The following ACACA variants were observed in gnomAD, a reference collection of about 807,000 sequenced individuals.
ACACA encodes acetyl-CoA carboxylase 1.
A neutral mutation model predicts 296.1 loss-of-function variants in ACACA; 103 were observed. The ratio of observed to expected loss-of-function variants is 0.35; its 90% CI spans 0.30 to 0.41. The LOEUF (loss-of-function observed/expected upper bound fraction) is 0.41, where lower values mean the gene tolerates loss of function less well. ACACA is among the 10% of genes least tolerant of loss of function. The pLI is 1.00. For synonymous variants in ACACA, 953 were observed against 1,038.6 expected, an observed-to-expected ratio of 0.92 and a Z score of 1.58; for missense variants, 1,554 against 2,989.7, an observed-to-expected ratio of 0.52 and a Z score of 11.20.
chr17:37,151,170 A>C (rs2076023756), intron 44 of ACACA, 131 bp downstream of exon 44: 2 of 1,055,632 alleles, frequency 1.9e-6, no homozygotes, highest in East Asian at 5.1e-5. Context: ...ATGTGTGATT[A>C]AAATATAATT....
At chr17:37,147,800 T>A (rs2075876225) in intron 45 of ACACA, among the ~76,000 whole-genome samples, 1 of 152,178 alleles carries the variant, frequency 6.6e-6, no homozygotes, top group Admixed American at 6.5e-5. Context: ...GTAACTAAGC[T>A]TTTGTTTTAA....
chr17:37,393,536 A>C, intron 1 of ACACA, among the ~76,000 whole-genome samples: 1 of 151,694 alleles, frequency 6.6e-6, no homozygotes, highest in East Asian at 1.9e-4. Flanking sequence ...GCGCTCATCA[A>C]CTCTTCTACA....
At chr17:37,368,204 G>A (rs527515315) in intron 1 of ACACA, among the ~76,000 whole-genome samples, 9 of 152,344 alleles carry the variant, frequency 5.9e-5, no homozygotes, top group African/African-American at 1.2e-4. Context: ...CCCGAGGGGC[G>A]GAGGTTGCAG....
chr17:37,236,985 T>C (rs2080142398), intron 24 of ACACA, among the ~76,000 whole-genome samples: 1 of 152,230 alleles, frequency 6.6e-6, no homozygotes, highest in African/African-American at 2.4e-5. Context: ...CTAGTATCTT[T>C]GAAGACCCCT....
intron 11 of ACACA, among the ~76,000 whole-genome samples, chr17:37,260,288 A>ATTT: frequency 4.2e-5 from 1 of 24,044 alleles, no homozygotes; most frequent in Non-Finnish European, 6.9e-5. Flanking sequence ...ATATATATAT[A>ATTT]TATATATATT....
chr17:37,161,864 T>G lies in ACACA; in HGVS notation c.5266A>C (p.Asn1756His). Residue 1756 changes from asparagine to histidine, a missense_variant, in exon 42 of 56, where the codon AAC becomes CAC. Asn to His is a moderately conservative substitution (Grantham distance 68, BLOSUM62 1). This residue lies in a region of ACACA where 553 missense variants were observed against 1,043.6 expected (regional missense o/e 0.53). Transcript: ENST00000616317. ...EGIPRIYVSA[N>H]SGARIGLAEE... Reference sequence around the variant, plus strand: ...GCCAGTCCGATTCTTGCTCCACTGTTGGCTGATACATAGATGCGTGGAATA... The same window carrying G: ...GCCAGTCCGATTCTTGCTCCACTGTGGGCTGATACATAGATGCGTGGAATA... 1 of 1,614,198 alleles carries G rather than the reference T, an allele frequency of 6.2e-7. No individual in the cohort carries two copies. Among genetic ancestry groups the G allele is most frequent in the Non-Finnish European group, 8.5e-7 (1 of 1,180,032 alleles).
intron 3 of ACACA, among the ~76,000 whole-genome samples, chr17:37,301,723 T>C (rs1286812580): frequency 6.6e-6 from 1 of 152,234 alleles, no homozygotes; most frequent in Non-Finnish European, 1.5e-5. Flanking sequence ...ATAGTAGGTT[T>C]TGAAATCAGG....
At chr17:37,127,336 T>C (rs945026586) in intron 47 of ACACA, among the ~76,000 whole-genome samples, 9 of 152,200 alleles carry the variant, frequency 5.9e-5, no homozygotes, top group African/African-American at 1.9e-4. Context: ...AACTTCAAGA[T>C]GGAAATGTTT....
intron 25 of ACACA, among the ~76,000 whole-genome samples, chr17:37,232,197 T>TA (rs1258680295): frequency 3.4e-4 from 52 of 152,286 alleles, no homozygotes; most frequent in African/African-American, 1.2e-3. Context: ...AGTTTCTTGA[T>TA]ACCTCCCTCC....
intron 5 of ACACA, among the ~76,000 whole-genome samples, chr17:37,282,536 AT>A: frequency 6.6e-6 from 1 of 152,346 alleles, no homozygotes; most frequent in Non-Finnish European, 1.5e-5. Flanking sequence ...AGGAATAATC[AT>A]AATACCATTG....
chr17:37,195,897 T>A (rs912088290), intron 35 of ACACA, among the ~76,000 whole-genome samples: 1 of 152,168 alleles, frequency 6.6e-6, no homozygotes, highest in East Asian at 1.9e-4. Context: ...AATATCATAA[T>A]TGAATGTACA....
At chr17:37,384,051 G>A (rs571185495) in intron 1 of ACACA, among the ~76,000 whole-genome samples, 2 of 152,276 alleles carry the variant, frequency 1.3e-5, no homozygotes, top group South Asian at 2.1e-4. Flanking sequence ...AGAACATGAG[G>A]TCAGGAATTC....
At chr17:37,177,493 G>A (rs1036993154) in intron 41 of ACACA, among the ~76,000 whole-genome samples, 2 of 152,114 alleles carry the variant, frequency 1.3e-5, no homozygotes, top group Admixed American at 6.5e-5. Flanking sequence ...AAGAAAGCAG[G>A]AAAGAAAGAT....
chr17:37,299,609 C>T, intron 3 of ACACA: 1 of 1,243,040 alleles, frequency 8.0e-7, no homozygotes, highest in Non-Finnish European at 1.0e-6. Context: ...TAGTTGATTT[C>T]CCAAGGGAAC....
chr17:37,105,779 G>T (rs1333130149), intron 52 of ACACA, among the ~76,000 whole-genome samples: 3 of 151,070 alleles, frequency 2.0e-5, no homozygotes, highest in African/African-American at 2.4e-5. Context: ...TAGGAGAACT[G>T]CTTGAACCCG....
chr17:37,129,531 C>A (rs767083329), intron 46 of ACACA, 46 bp from the exon 47 acceptor site: 1 of 1,612,182 alleles, frequency 6.2e-7, no homozygotes, highest in Non-Finnish European at 8.5e-7. Flanking sequence ...GAACGACAGC[C>A]CTAGACTCCA....
At chr17:37,259,600 A>T in intron 11 of ACACA, 70 bp from the exon 12 acceptor site, 1 of 1,533,618 alleles carries the variant, frequency 6.5e-7, no homozygotes, top group South Asian at 1.1e-5. Flanking sequence ...ACAGCCTCTC[A>T]CTGACTCAAC....
At chr17:37,235,122 G>A (rs1365306290) in intron 24 of ACACA, 23 bp from the exon 25 acceptor site, 1 of 1,612,466 alleles carries the variant, frequency 6.2e-7, no homozygotes. Flanking sequence ...AAAAGAACTG[G>A]TTCTCACCCA....
chr17:37,367,623 TA>T (rs1302320638), intron 1 of ACACA: 1 of 152,196 alleles, frequency 6.6e-6, no homozygotes, highest in Non-Finnish European at 1.5e-5. Flanking sequence ...TTAAATGATG[TA>T]ACCAACATGT....
Sources: gnomAD v4.1 joint callset for allele counts (sites outside exome capture counted in the v4.1 genomes callset) on GRCh38, gnomAD v4.1.1 for gene constraint, gnomAD v4.1.1 regional missense constraint, MANE v1.5 for transcripts, NCBI Gene and HGNC (gene_info 2026-07-23, HGNC 2026-07-21) for gene names.